The following XRCC4 variants were observed in gnomAD, a reference collection of about 807,000 sequenced individuals.
The protein encoded by XRCC4 is X-ray repair cross complementing 4, also known as DNA repair protein XRCC4.
Under a neutral mutation model 39.1 loss-of-function variants are expected in XRCC4, and 28 were observed. The ratio of observed to expected loss-of-function variants is 0.72; its 90% CI spans 0.53 to 0.98. The LOEUF (loss-of-function observed/expected upper bound fraction) is 0.98. Ranked by LOEUF, XRCC4 falls within the 50% of genes least tolerant of loss-of-function variation. XRCC4 has a pLI of 0.00. For synonymous variants in XRCC4, 123 were observed against 126.4 expected (o/e 0.97, Z 0.18); for missense variants, 350 against 376.4 (o/e 0.93, Z 0.58).
At chr5:83,099,385 C>G (rs570146395) in intron 1 of XRCC4, among the ~76,000 whole-genome samples, 1 of 152,172 alleles carries the variant, frequency 6.6e-6, no homozygotes, top group Admixed American at 6.6e-5. Flanking sequence ...TTGTAACTAA[C>G]TTGAGCTGAC....
intron 7 of XRCC4, among the ~76,000 whole-genome samples, chr5:83,336,050 G>A (rs1756585276): frequency 6.6e-6 from 1 of 151,846 alleles, no homozygotes; most frequent in Non-Finnish European, 1.5e-5. Flanking sequence ...AGTGTTCAGT[G>A]ATAAAAATAG....
chr5:83,274,958 T>C (rs987182522), intron 7 of XRCC4, among the ~76,000 whole-genome samples: 3 of 152,192 alleles, frequency 2.0e-5, no homozygotes, highest in Admixed American at 2.0e-4. Flanking sequence ...TAAGGAGTTA[T>C]CACTGTGTGG....
chr5:83,180,141 G>A (rs1168446505), intron 3 of XRCC4, among the ~76,000 whole-genome samples: 1 of 152,168 alleles, frequency 6.6e-6, no homozygotes, highest in African/African-American at 2.4e-5. Flanking sequence ...TGAGAAGGCA[G>A]ATGTTTATAT....
At chr5:83,151,105 AC>A (rs1748681656) in intron 3 of XRCC4, among the ~76,000 whole-genome samples, 1 of 152,172 alleles carries the variant, frequency 6.6e-6, no homozygotes, top group South Asian at 2.1e-4. Flanking sequence ...AGAAAAAGTT[AC>A]AAAAAATGCC....
intron 3 of XRCC4, among the ~76,000 whole-genome samples, chr5:83,192,267 T>C (rs1015678232): frequency 4.1e-5 from 6 of 147,652 alleles, no homozygotes; most frequent in African/African-American, 1.2e-4. Context: ...CGTATACATA[T>C]GTATACATAT....
intron 6 of XRCC4, among the ~76,000 whole-genome samples, chr5:83,248,458 C>G (rs185828155): frequency 3.4e-4 from 52 of 152,188 alleles, no homozygotes; most frequent in African/African-American, 1.3e-3. Context: ...GATCTAAGAA[C>G]TGTTTATGTG....
chr5:83,348,366 T>C (rs1344910835), intron 7 of XRCC4, among the ~76,000 whole-genome samples: 2 of 152,244 alleles, frequency 1.3e-5, no homozygotes, highest in Non-Finnish European at 2.9e-5. Flanking sequence ...CACTGAAACC[T>C]AGGTGGAGGT....
chr5:83,129,437 T>C (rs1157048702), intron 3 of XRCC4, among the ~76,000 whole-genome samples: 1 of 152,100 alleles, frequency 6.6e-6, no homozygotes, highest in Non-Finnish European at 1.5e-5. Flanking sequence ...TCTTTTTGCT[T>C]AGGATAATCT....
At chr5:83,268,331 A>T (rs1754025744) in intron 7 of XRCC4, among the ~76,000 whole-genome samples, 1 of 152,198 alleles carries the variant, frequency 6.6e-6, no homozygotes, top group African/African-American at 2.4e-5. Context: ...AACCTACCAC[A>T]AAAGATGGAT....
intron 7 of XRCC4, among the ~76,000 whole-genome samples, chr5:83,316,085 G>C (rs1368097243): frequency 2.6e-5 from 4 of 152,134 alleles, no homozygotes; most frequent in Non-Finnish European, 5.9e-5. Context: ...TTTGGGAGAA[G>C]TTGATTCCAA....
In XRCC4 at chr5:83,111,223, A is replaced by G. The variant is rs1437285789; in HGVS notation, c.315+20A>G. 3 of 1,546,922 alleles carry G rather than the reference A, an allele frequency of 1.9e-6. No homozygotes were observed. The highest frequency in any genetic ancestry group is 1.2e-5 in the South Asian group (1 of 81,694). On this transcript the variant is annotated intron_variant, in intron 3 of 7. Coordinates refer to ENST00000396027, the MANE Select transcript of XRCC4 (RefSeq NM_003401.5). ...GTCTCAGTAAGTAAAACTTTCCAAA[A>G]TGTTACATAGTAAAATGTCAGAGCA...
At chr5:83,367,176 T>C in the XRCC4 span, among the ~76,000 whole-genome samples, 18 of 152,176 alleles carry the variant, frequency 1.2e-4, no homozygotes, top group African/African-American at 4.1e-4. Context: ...CAATAAGTCA[T>C]AGAAAGCTTT....
intron 3 of XRCC4, among the ~76,000 whole-genome samples, chr5:83,151,565 T>G (rs1748704635): frequency 6.6e-6 from 1 of 152,170 alleles, no homozygotes; most frequent in South Asian, 2.1e-4. Context: ...TGGAAGTGGT[T>G]TTAGTTTAGT....
At chr5:83,285,863 C>CTGT (rs1400904952) in intron 7 of XRCC4, among the ~76,000 whole-genome samples, 1 of 152,158 alleles carries the variant, frequency 6.6e-6, no homozygotes, top group Non-Finnish European at 1.5e-5. Flanking sequence ...ATTCCCTCCA[C>CTGT]TGTCACTTCA....
chr5:83,091,935 C>T (rs1178747706), intron 1 of XRCC4, among the ~76,000 whole-genome samples: 1 of 152,168 alleles, frequency 6.6e-6, no homozygotes, highest in Non-Finnish European at 1.5e-5. Context: ...GAGGATCCTC[C>T]ATACTGTTTC....
chr5:83,109,555 C>T (rs913965274), intron 2 of XRCC4, among the ~76,000 whole-genome samples: 1 of 151,932 alleles, frequency 6.6e-6, no homozygotes, highest in Non-Finnish European at 1.5e-5. Context: ...TCCAACCACA[C>T]ACACATTCCA....
At chr5:83,343,019 C>T (rs183876116) in intron 7 of XRCC4, among the ~76,000 whole-genome samples, 7 of 151,134 alleles carry the variant, frequency 4.6e-5, no homozygotes, top group Non-Finnish European at 7.4e-5. Flanking sequence ...AAGGTCATTT[C>T]GATTAAGGTT....
intron 7 of XRCC4, among the ~76,000 whole-genome samples, chr5:83,301,264 T>A (rs1755274456): frequency 6.6e-6 from 1 of 152,226 alleles, no homozygotes; most frequent in African/African-American, 2.4e-5. Context: ...TTTTTAATGA[T>A]CACCATTCTT....
At chr5:83,228,613 T>C (rs903769586) in intron 6 of XRCC4, among the ~76,000 whole-genome samples, 3 of 152,080 alleles carry the variant, frequency 2.0e-5, no homozygotes, top group African/African-American at 7.2e-5. Context: ...AAACATTATT[T>C]TGAAGATTGT....
Sources: allele counts gnomAD v4.1 joint callset (sites outside exome capture counted in the v4.1 genomes callset), GRCh38; gene constraint gnomAD v4.1.1; transcripts MANE v1.5; gene names NCBI Gene and HGNC (gene_info 2026-07-23, HGNC 2026-07-21).